The following PRDM6 variants were observed in gnomAD, a reference collection of about 807,000 sequenced individuals.
PRDM6 encodes PR/SET domain 6, also known as putative histone-lysine N-methyltransferase PRDM6.
PRDM6 carries 25 observed loss-of-function variants against 60.8 expected under a neutral mutation model. The ratio of observed to expected loss-of-function variants is 0.41; its 90% confidence interval spans 0.30 to 0.57. PRDM6 has a LOEUF of 0.57. Among genes scored for constraint, PRDM6 ranks in the 20% least tolerant of loss-of-function variants. The pLI, the probability that PRDM6 is intolerant of heterozygous loss-of-function variation, is 0.27. For synonymous variants in PRDM6, 407 were observed against 357.4 expected (o/e 1.14, Z -1.57); for missense variants, 839 against 821.3 (o/e 1.02, Z -0.26).
intron 3 of PRDM6, among the ~76,000 whole-genome samples, chr5:123,139,135 T>C (rs1418844979): frequency 6.6e-6 from 1 of 152,076 alleles, no homozygotes; most frequent in Non-Finnish European, 1.5e-5. Flanking sequence ...AGGCTTCTCC[T>C]ACCATGCGGA....
chr5:123,164,372 A>G (rs1212229786), intron 5 of PRDM6, among the ~76,000 whole-genome samples: 2 of 152,164 alleles, frequency 1.3e-5, no homozygotes, highest in Non-Finnish European at 2.9e-5. Flanking sequence ...GGGAATAGAA[A>G]AATGCTGCCC....
At chr5:123,148,901 A>G (rs1685203) in intron 3 of PRDM6, among the ~76,000 whole-genome samples, 14 of 152,268 alleles carry the variant, frequency 9.2e-5, no homozygotes, top group African/African-American at 3.4e-4. Context: ...TATGATTCAC[A>G]TTTCCCAACC....
At chr5:123,133,906 A>G (rs1028644971) in intron 3 of PRDM6, among the ~76,000 whole-genome samples, 5 of 152,044 alleles carry the variant, frequency 3.3e-5, no homozygotes, top group Non-Finnish European at 5.9e-5. Context: ...AAAAACAAAT[A>G]GTGAAGTTAA....
Position 123,111,712 on chromosome 5 carries a change from A to C in PRDM6, c.900+11751A>C, listed in dbSNP as rs11241672. On this transcript the variant is annotated intron_variant, in intron 3 of 7. Transcript: ENST00000407847. ...GAAAACAAAACAAAACAAAACAAAA[A>C]AAAAACAAAATGCCAGTCTCGTCCT... 1.9e-3 allele frequency among the ~76,000 whole-genome samples: 281 copies of C among 150,974 alleles called. 1 individual carries two copies. The highest frequency in any genetic ancestry group is 5.2e-3 in the African/African-American group (214 of 41,232).
In PRDM6 at chr5:123,193,318, A is replaced by G. The variant is rs1407282472; in HGVS notation, c.*6117A>G. The stretch of plus-strand genomic sequence containing the variant: ...TAACAAGCTGGAGATCTATTTCTAC[A>G]GCACAACTCTTTCATGTTTAAAAGC... On this transcript the variant is annotated 3_prime_UTR_variant, in exon 8 of 8. Transcript: ENST00000407847. The G allele has an allele frequency of 6.6e-6, 1 of 152,172 alleles. No individual in the cohort carries two copies. The highest frequency in any genetic ancestry group is 1.5e-5 in the Non-Finnish European group (1 of 68,030). 9.4% of individuals were successfully genotyped at this position (152,172 alleles called of 1,614,324 possible). A position where few individuals can be genotyped will look rare whatever the true frequency, so the allele number is the denominator to read the frequency against.
rs560527798 is a variant in PRDM6 at position 123,171,227 on chromosome 5, T to C, written c.1496+119T>C. 2.2e-5 allele frequency: 18 copies of C among 813,344 alleles called. No individual in the cohort carries two copies. In the East Asian group the frequency reaches 4.6e-4, roughly 21 times the overall value. The allele number at this position is 813,344 out of a possible 1,614,324, so 50.4% of individuals were successfully genotyped here. A position where few individuals can be genotyped will look rare whatever the true frequency, so the allele number is the denominator to read the frequency against. On this transcript the variant is annotated intron_variant, in intron 6 of 7. Transcript: ENST00000407847. ...CCTGTGATTTGTGGTGTCTGCATTC[T>C]GGAAGGTCAGAGAGAAATGCAAGAC... is the stretch of plus-strand genomic sequence containing the variant.
intron 6 of PRDM6, among the ~76,000 whole-genome samples, chr5:123,173,082 T>C (rs913391391): frequency 6.6e-6 from 1 of 151,898 alleles, no homozygotes; most frequent in Non-Finnish European, 1.5e-5. Context: ...TCCCAGCTAC[T>C]TGGGACGCTG....
intron 7 of PRDM6, among the ~76,000 whole-genome samples, chr5:123,186,249 G>A (rs1580547531): frequency 6.6e-6 from 1 of 152,230 alleles, no homozygotes; most frequent in African/African-American, 2.4e-5. Context: ...GATTTTGAAT[G>A]TGTGTTCTGC....
intron 3 of PRDM6, among the ~76,000 whole-genome samples, chr5:123,126,907 T>A (rs1394739454): frequency 6.6e-6 from 1 of 152,116 alleles, no homozygotes; most frequent in Non-Finnish European, 1.5e-5. Flanking sequence ...CACAAAGTAG[T>A]CTTCTTTTGG....
In PRDM6 at chr5:123,111,005, C is replaced by T. The variant is rs141873816; in HGVS notation, c.900+11044C>T. 1.3e-3 allele frequency among the ~76,000 whole-genome samples: 194 copies of T among 152,194 alleles called. 1 individual carries two copies. Among genetic ancestry groups the T allele is most frequent in the Non-Finnish European group, 2.6e-3 (175 of 68,028 alleles). On this transcript the variant is annotated intron_variant, in intron 3 of 7. Transcript: ENST00000407847. ...CATGATCTGCATATCAGCTCTGAAT[C>T]TAGGATAGCTGGCTGAACTTCAGCA...
At chr5:123,094,571 A>G (rs1763916584) in intron 2 of PRDM6, among the ~76,000 whole-genome samples, 1 of 152,204 alleles carries the variant, frequency 6.6e-6, no homozygotes, top group South Asian at 2.1e-4. Context: ...GATTGAGGTT[A>G]GAAGAGGTGG....
intron 3 of PRDM6, among the ~76,000 whole-genome samples, chr5:123,107,817 G>A (rs1764228612): frequency 6.6e-6 from 1 of 152,194 alleles, no homozygotes; most frequent in Non-Finnish European, 1.5e-5. Context: ...GAAGTCCAGT[G>A]GTTTGGTGGC....
rs761305507 is a variant in PRDM6 at position 123,090,256 on chromosome 5, C to T, written c.242C>T (p.Ser81Phe). 1.3e-6 allele frequency: 2 copies of T among 1,488,182 alleles called. No homozygotes were observed. Among genetic ancestry groups the T allele is most frequent in the South Asian group, 2.5e-5 (2 of 78,540 alleles). The allele number at this position is 1,488,182 out of a possible 1,614,324, so 92.2% of individuals were successfully genotyped here. Residue 81 changes from serine (S) to phenylalanine (F), a missense_variant, in exon 2 of 8, where the codon TCC becomes TTC. Physicochemically the swap from Ser to Phe is radical, Grantham distance 155 (BLOSUM62 -2). Transcript: ENST00000407847. ...PRPASLSSASSTPASSSTSAS... is the reference protein window; with the variant it reads ...PRPASLSSASFTPASSSTSAS... ...CCCGCCTCTCTCTCCTCCGCCTCGTCCACGCCGGCTTCCTCTTCCACCTCC... is the reference window on the plus strand; with the variant it reads ...CCCGCCTCTCTCTCCTCCGCCTCGTTCACGCCGGCTTCCTCTTCCACCTCC...
intron 7 of PRDM6, 34 bp downstream of exon 7, chr5:123,180,357 T>A: frequency 6.6e-7 from 1 of 1,516,316 alleles, no homozygotes; most frequent in Non-Finnish European, 8.9e-7. Context: ...CCTCTCTTTC[T>A]CTTAGCCTTT....
At chr5:123,166,101 C>A (rs1164301966) in intron 5 of PRDM6, among the ~76,000 whole-genome samples, 1 of 152,196 alleles carries the variant, frequency 6.6e-6, no homozygotes, top group Non-Finnish European at 1.5e-5. Flanking sequence ...CAGATATTTC[C>A]GTGGCCTGTC....
At chr5:123,138,029 C>CA (rs992368994) in intron 3 of PRDM6, among the ~76,000 whole-genome samples, 3 of 148,974 alleles carry the variant, frequency 2.0e-5, no homozygotes, top group East Asian at 1.9e-4. Context: ...CTGGGTTCAC[C>CA]CCCGCACCTT....
At chr5:123,179,706 A>G (rs937141254) in intron 6 of PRDM6, among the ~76,000 whole-genome samples, 7 of 149,834 alleles carry the variant, frequency 4.7e-5, no homozygotes, top group African/African-American at 1.5e-4. Context: ...TCTCTGTCCC[A>G]GGGGATTATC....
chr5:123,154,476 G>A (rs1765448444), intron 3 of PRDM6, among the ~76,000 whole-genome samples: 1 of 152,004 alleles, frequency 6.6e-6, no homozygotes, highest in South Asian at 2.1e-4. Context: ...AAAGGTTGGG[G>A]TTGGAGAGGA....
chr5:123,192,714 C>T lies in PRDM6; in HGVS notation c.*5513C>T, dbSNP rs1025007965. The T allele has an allele frequency of 2.0e-5, 3 of 152,174 alleles. No individual in the cohort carries two copies. The highest frequency in any genetic ancestry group is 7.2e-5 in the African/African-American group (3 of 41,452). The allele number at this position is 152,174 out of a possible 1,614,324, so 9.4% of individuals were successfully genotyped here. On this transcript the variant is annotated 3_prime_UTR_variant, in exon 8 of 8. Coordinates refer to ENST00000407847, the MANE Select transcript of PRDM6 (RefSeq NM_001136239.4). ...AGGGTGGCCAGAAGAGAATAAGGTTCGAACACTATCGACAGGTAAAAACAC... is the reference window on the plus strand; with the variant it reads ...AGGGTGGCCAGAAGAGAATAAGGTTTGAACACTATCGACAGGTAAAAACAC...
Sources: gnomAD v4.1 joint callset for allele counts (sites outside exome capture counted in the v4.1 genomes callset) on GRCh38, gnomAD v4.1.1 for gene constraint, MANE v1.5 for transcripts, NCBI Gene and HGNC (gene_info 2026-07-23, HGNC 2026-07-21) for gene names.